Variants in CCSER1 observed in about 807,000 individuals in gnomAD.
The protein encoded by CCSER1 is coiled-coil serine rich protein 1, also known as serine-rich coiled-coil domain-containing protein 1.
Under a neutral mutation model 82.0 loss-of-function variants are expected in CCSER1, and 41 were observed. The observed-to-expected ratio is 0.50, with a 90% CI of 0.39 to 0.65. CCSER1 has a LOEUF of 0.65. Among genes scored for constraint, CCSER1 ranks in the 30% least tolerant of loss-of-function variants. CCSER1 has a pLI of 0.00. For missense variants in CCSER1, 1,119 were observed against 1,064.2 expected, an observed-to-expected ratio of 1.05 and a Z score of -0.72; for synonymous variants, 414 against 383.9, an observed-to-expected ratio of 1.08 and a Z score of -0.92.
chr4:90,187,432 T>C lies in CCSER1; in HGVS notation c.-42+59601T>C, dbSNP rs141970527. On this transcript the variant is annotated intron_variant, in intron 1 of 10. Coordinates refer to ENST00000509176, the MANE Select transcript of CCSER1 (RefSeq NM_001145065.2). ...ATGGTAATTACCTCCCTTATCGGAT[T>C]TCACTCACACACACACACAAACTCA... is the stretch of plus-strand genomic sequence containing the variant. Among the ~76,000 whole-genome samples the C allele has an allele frequency of 5.9e-5, 9 of 151,310 alleles. No individual in the cohort carries two copies. In the East Asian group the frequency reaches 1.8e-3, roughly 29 times the overall value.
chr4:91,342,961 T>C (rs10009394), intron 10 of CCSER1, among the ~76,000 whole-genome samples: 103,727 of 151,952 alleles, frequency 0.68, 35,546 homozygotes, highest in East Asian at 0.82. Context: ...TAAAGTTTAT[T>C]ATATTTTTAT....
At chr4:90,878,741 C>G (rs1720749385) in intron 8 of CCSER1, among the ~76,000 whole-genome samples, 1 of 152,156 alleles carries the variant, frequency 6.6e-6, no homozygotes, top group Non-Finnish European at 1.5e-5. Context: ...TGTTCTGTGT[C>G]TGAATCTCAA....
intron 7 of CCSER1, among the ~76,000 whole-genome samples, chr4:90,769,981 C>T (rs891390366): frequency 2.6e-5 from 4 of 152,086 alleles, no homozygotes; most frequent in African/African-American, 9.7e-5. Flanking sequence ...AAATATGATA[C>T]AACGGAACTG....
At chr4:91,316,072 A>G (rs1472756721) in intron 10 of CCSER1, among the ~76,000 whole-genome samples, 1 of 151,974 alleles carries the variant, frequency 6.6e-6, no homozygotes, top group Non-Finnish European at 1.5e-5. Context: ...TTCACTGCCC[A>G]TGCCTTCTTG....
chr4:90,998,861 C>G (rs549303605), intron 9 of CCSER1, among the ~76,000 whole-genome samples: 1 of 152,020 alleles, frequency 6.6e-6, no homozygotes, highest in African/African-American at 2.4e-5. Context: ...CAACCGTTAA[C>G]TTTTCCCACT....
At chr4:90,797,668 G>C (rs549092985) in intron 7 of CCSER1, among the ~76,000 whole-genome samples, 1 of 152,260 alleles carries the variant, frequency 6.6e-6, no homozygotes, top group Admixed American at 6.5e-5. Context: ...GGCAAGTCTG[G>C]TGGTAACAAA....
At chr4:90,344,592 A>G (rs553785185) in intron 3 of CCSER1, among the ~76,000 whole-genome samples, 1 of 152,258 alleles carries the variant, frequency 6.6e-6, no homozygotes, top group East Asian at 1.9e-4. Flanking sequence ...GTAAAGTTGA[A>G]AATTTATAAG....
intron 10 of CCSER1, among the ~76,000 whole-genome samples, chr4:91,339,006 A>G (rs16996265): frequency 0.04 from 6,019 of 152,236 alleles, 416 homozygotes; most frequent in African/African-American, 0.14. Flanking sequence ...CTTCCCTATC[A>G]TATCAAGTAA....
At chr4:90,749,993 G>A (rs1053161863) in intron 7 of CCSER1, among the ~76,000 whole-genome samples, 1 of 152,116 alleles carries the variant, frequency 6.6e-6, no homozygotes, top group Non-Finnish European at 1.5e-5. Context: ...TCTAACTGGT[G>A]TGAGATGATA....
chr4:90,824,367 A>G (rs1760148577), intron 8 of CCSER1, among the ~76,000 whole-genome samples: 1 of 152,126 alleles, frequency 6.6e-6, no homozygotes, highest in African/African-American at 2.4e-5. Context: ...ACTTGTAGAA[A>G]TGATGATTTT....
At chr4:91,281,284 C>T (rs530562688) in intron 10 of CCSER1, among the ~76,000 whole-genome samples, 5 of 152,098 alleles carry the variant, frequency 3.3e-5, no homozygotes, top group Non-Finnish European at 7.4e-5. Context: ...TCTATTCACT[C>T]TTTTGGTTCT....
chr4:90,411,573 A>G (rs1474292139), intron 4 of CCSER1, among the ~76,000 whole-genome samples: 1 of 152,162 alleles, frequency 6.6e-6, no homozygotes, highest in African/African-American at 2.4e-5. Flanking sequence ...AAATTCAACA[A>G]CACTTCGTGC....
intron 7 of CCSER1, among the ~76,000 whole-genome samples, chr4:90,783,982 A>G (rs1754151342): frequency 6.6e-6 from 1 of 152,206 alleles, no homozygotes; most frequent in South Asian, 2.1e-4. Context: ...AAAAAAAAGA[A>G]AAAAAACTCA....
chr4:91,265,802 G>T (rs1741525538), intron 10 of CCSER1, among the ~76,000 whole-genome samples: 1 of 152,104 alleles, frequency 6.6e-6, no homozygotes, highest in Non-Finnish European at 1.5e-5. Flanking sequence ...AAAATTTTGG[G>T]AAAACGAGTA....
At chr4:90,845,592 G>A (rs1406499722) in intron 8 of CCSER1, among the ~76,000 whole-genome samples, 1 of 152,072 alleles carries the variant, frequency 6.6e-6, no homozygotes, top group Non-Finnish European at 1.5e-5. Flanking sequence ...TATGACAGAG[G>A]AACTGTGGTA....
At chr4:91,165,125 G>A (rs934071912) in intron 10 of CCSER1, among the ~76,000 whole-genome samples, 3 of 152,172 alleles carry the variant, frequency 2.0e-5, no homozygotes, top group African/African-American at 7.2e-5. Context: ...TGGTTCGGAT[G>A]TCCTTTTTGT....
intron 10 of CCSER1, among the ~76,000 whole-genome samples, chr4:91,228,259 AAACT>A (rs1738360863): frequency 6.6e-6 from 1 of 152,148 alleles, no homozygotes; most frequent in Non-Finnish European, 1.5e-5. Context: ...GTGTTCTTGA[AAACT>A]AACAAACACA....
chr4:90,981,644 G>T (rs1561443007), intron 9 of CCSER1, among the ~76,000 whole-genome samples: 1 of 151,892 alleles, frequency 6.6e-6, no homozygotes, highest in African/African-American at 2.4e-5. Flanking sequence ...GTATTTCAAA[G>T]AATACTTAAA....
intron 10 of CCSER1, among the ~76,000 whole-genome samples, chr4:91,416,949 T>C (rs1213682040): frequency 6.6e-6 from 1 of 152,192 alleles, no homozygotes; most frequent in Non-Finnish European, 1.5e-5. Context: ...TTTTGCAATC[T>C]GTCCATCTGA....
Sources: allele counts gnomAD v4.1 joint callset (sites outside exome capture counted in the v4.1 genomes callset), GRCh38; gene constraint gnomAD v4.1.1; transcripts MANE v1.5; gene names NCBI Gene and HGNC (gene_info 2026-07-23, HGNC 2026-07-21).